The following LMBR1 variants were observed in gnomAD, a reference collection of about 807,000 sequenced individuals.
LMBR1 encodes the protein limb development membrane protein 1.
Under a neutral mutation model 73.9 loss-of-function variants are expected in LMBR1, and 52 were observed. The observed-to-expected ratio is 0.70, with a 90% CI of 0.56 to 0.89. The LOEUF is 0.89. Ranked by LOEUF, LMBR1 falls within the 40% of genes least tolerant of loss-of-function variation. The pLI is 0.00. For missense variants in LMBR1, 539 were observed against 579.8 expected (o/e 0.93, Z 0.72); for synonymous variants, 215 against 209.4 (o/e 1.03, Z -0.23).
chr7:156,817,500 G>A (rs1211353271), intron 4 of LMBR1, among the ~76,000 whole-genome samples: 1 of 140,236 alleles, frequency 7.1e-6, no homozygotes, highest in Non-Finnish European at 1.6e-5. Context: ...GACAGAGAGA[G>A]AGAGAGAGAG....
At chr7:156,759,124 C>A (rs769134418) in intron 8 of LMBR1, among the ~76,000 whole-genome samples, 6 of 152,140 alleles carry the variant, frequency 3.9e-5, no homozygotes, top group African/African-American at 7.2e-5. Flanking sequence ...AAAGTCATAA[C>A]CGTGGCTTAA....
intron 15 of LMBR1, among the ~76,000 whole-genome samples, chr7:156,695,877 A>AG (rs1808181612): frequency 6.6e-6 from 1 of 152,042 alleles, no homozygotes; most frequent in Admixed American, 6.5e-5. Flanking sequence ...GAAAAAAAAA[A>AG]AGAGAGAGCA....
intron 15 of LMBR1, among the ~76,000 whole-genome samples, chr7:156,694,815 T>C (rs1351416260): frequency 6.6e-6 from 1 of 152,166 alleles, no homozygotes; most frequent in African/African-American, 2.4e-5. Context: ...ATAATCCTAC[T>C]TGTAATAGCA....
At chr7:156,823,152 T>C (rs1480646530) in intron 4 of LMBR1, 1 of 150,664 alleles carries the variant, frequency 6.6e-6, no homozygotes, top group Non-Finnish European at 1.5e-5. Flanking sequence ...AAAAATAAAA[T>C]GATATATGTA....
At chr7:156,868,413 C>T (rs541188475) in intron 1 of LMBR1, among the ~76,000 whole-genome samples, 52 of 152,162 alleles carry the variant, frequency 3.4e-4, no homozygotes, top group African/African-American at 1.1e-3. Flanking sequence ...CGGTGGCTCA[C>T]GCCTGTTATC....
chr7:156,871,384 A>G (rs1799268078), intron 1 of LMBR1, among the ~76,000 whole-genome samples: 1 of 152,256 alleles, frequency 6.6e-6, no homozygotes, highest in Admixed American at 6.5e-5. Context: ...ATTAGCACCA[A>G]TCTGTCTCAA....
chr7:156,744,075 T>A (rs1028958694), intron 9 of LMBR1, among the ~76,000 whole-genome samples: 8 of 150,482 alleles, frequency 5.3e-5, no homozygotes, highest in African/African-American at 2.0e-4. Flanking sequence ...AATATATGAA[T>A]TTTTTTTTTA....
chr7:156,672,758 T>TG (rs1275921077), intron 4 of LMBR1, among the ~76,000 whole-genome samples: 1 of 152,266 alleles, frequency 6.6e-6, no homozygotes, highest in Non-Finnish European at 1.5e-5. Context: ...ACACTTACTC[T>TG]GTTCCTCTCT....
At chr7:156,702,632 A>G (rs1810031709) in intron 15 of LMBR1, among the ~76,000 whole-genome samples, 1 of 152,054 alleles carries the variant, frequency 6.6e-6, no homozygotes, top group South Asian at 2.1e-4. Context: ...TGACAGTTAA[A>G]TTTTCTTTTT....
At chr7:156,862,965 C>T (rs1476569370) in intron 1 of LMBR1, among the ~76,000 whole-genome samples, 8 of 152,292 alleles carry the variant, frequency 5.3e-5, no homozygotes, top group African/African-American at 1.9e-4. Flanking sequence ...GACCATGGGA[C>T]TTGTCAGTCT....
chr7:156,786,347 G>C (rs1828101838), intron 5 of LMBR1, among the ~76,000 whole-genome samples: 1 of 152,130 alleles, frequency 6.6e-6, no homozygotes, highest in Admixed American at 6.5e-5. Context: ...CAAGCTTATA[G>C]TCAAGAAGTT....
At chr7:156,735,091 G>T (rs962310675) in intron 9 of LMBR1, among the ~76,000 whole-genome samples, 4 of 152,122 alleles carry the variant, frequency 2.6e-5, no homozygotes, top group African/African-American at 9.7e-5. Flanking sequence ...AAACATTCTT[G>T]TATGCCCATC....
At chr7:156,812,372 CG>C (rs1563426029) in intron 4 of LMBR1, among the ~76,000 whole-genome samples, 1 of 151,872 alleles carries the variant, frequency 6.6e-6, no homozygotes, top group African/African-American at 2.4e-5. Flanking sequence ...AACACAAGAG[CG>C]CAGAGGACTT....
chr7:156,704,119 G>A (rs1426931004), intron 15 of LMBR1, among the ~76,000 whole-genome samples: 1 of 152,108 alleles, frequency 6.6e-6, no homozygotes, highest in African/African-American at 2.4e-5. Flanking sequence ...CAGCATCCAG[G>A]AAAGCTACAC....
rs550647840 is a variant in LMBR1 at position 156,669,623 on chromosome 7, G to A, written n.867-336C>T. On this transcript the variant is annotated intron_variant and non_coding_transcript_variant, in intron 4 of 4. Transcript: ENST00000430825. The surrounding 1 kb of genome is among the most constrained non-coding windows in gnomAD (Gnocchi z 4.2). Reference sequence around the variant, plus strand: ...GCAGATAGGTCATTTTCAAGAGGGCGACCCACAGCCACGTGAACACTGGAA... The same window carrying A: ...GCAGATAGGTCATTTTCAAGAGGGCAACCCACAGCCACGTGAACACTGGAA... Among the ~76,000 whole-genome samples, 3 of 152,236 alleles carry A rather than the reference G, an allele frequency of 2.0e-5. No homozygotes were observed. Among genetic ancestry groups the A allele is most frequent in the African/African-American group, 7.2e-5 (3 of 41,560 alleles).
intron 9 of LMBR1, among the ~76,000 whole-genome samples, chr7:156,744,338 A>C (rs1585511431): frequency 6.6e-6 from 1 of 151,228 alleles, no homozygotes; most frequent in African/African-American, 2.4e-5. Context: ...GAAAGTTTGT[A>C]AGGGCTTTTT....
intron 2 of LMBR1, among the ~76,000 whole-genome samples, chr7:156,835,474 T>C (rs1345197616): frequency 6.6e-6 from 1 of 152,088 alleles, no homozygotes; most frequent in Non-Finnish European, 1.5e-5. Flanking sequence ...GCAGGCAGAT[T>C]ATCTGAGGTC....
intron 15 of LMBR1, among the ~76,000 whole-genome samples, chr7:156,692,946 C>T (rs1170183697): frequency 1.3e-5 from 2 of 151,914 alleles, no homozygotes; most frequent in African/African-American, 4.8e-5. Flanking sequence ...CTGAAACTGA[C>T]CTTCTACAAA....
chr7:156,734,260 G>A lies in LMBR1; in HGVS notation c.758-3C>T, dbSNP rs1817432673. On this transcript the variant is annotated splice_polypyrimidine_tract_variant and splice_region_variant and intron_variant, in intron 9 of 16. Coordinates refer to ENST00000353442, the MANE Select transcript of LMBR1 (RefSeq NM_022458.4). ...GTATTCCACCGATGAAGACAGCCCT[G>A]TTCAAAGCAAAAAATATTTAGAAGT... The A allele has an allele frequency of 3.2e-6, 5 of 1,585,596 alleles. No homozygotes were observed. Among genetic ancestry groups the A allele is most frequent in the Non-Finnish European group, 4.3e-6 (5 of 1,169,368 alleles).
Sources: gnomAD v4.1 joint callset for allele counts (sites outside exome capture counted in the v4.1 genomes callset) on GRCh38, gnomAD v4.1.1 for gene constraint, Gnocchi (gnomAD v3.1) non-coding constraint, MANE v1.5 for transcripts, NCBI Gene and HGNC (gene_info 2026-07-23, HGNC 2026-07-21) for gene names.